Variants in GRIK4 observed in about 807,000 individuals in gnomAD.
GRIK4 encodes the protein glutamate ionotropic receptor kainate type subunit 4.
Under a neutral mutation model 104.9 loss-of-function variants are expected in GRIK4, and 40 were observed. The observed-to-expected ratio is 0.38, with a 90% CI of 0.30 to 0.50. The LOEUF (loss-of-function observed/expected upper bound fraction) is 0.50, where lower values mean the gene tolerates loss of function less well. GRIK4 is among the 20% of genes least tolerant of loss of function. The pLI is 0.93. For synonymous variants in GRIK4, 485 were observed against 524.9 expected (o/e 0.92, Z 1.04); for missense variants, 1,047 against 1,308.1 (o/e 0.80, Z 3.08).
chr11:120,851,462 T>C (rs1200335570), intron 8 of GRIK4, among the ~76,000 whole-genome samples: 3 of 152,188 alleles, frequency 2.0e-5, no homozygotes, highest in Admixed American at 6.5e-5. Context: ...AAGACCACCT[T>C]ATACGTGCCA....
Position 120,986,519 on chromosome 11 carries a change from T to C in GRIK4, c.*259T>C. 2.1e-6 allele frequency: 1 copy of C among 477,228 alleles called. No individual in the cohort carries two copies. Among genetic ancestry groups the C allele is most frequent in the South Asian group, 3.0e-5 (1 of 33,242 alleles). 29.6% of individuals were successfully genotyped at this position (477,228 alleles called of 1,614,324 possible). A position where few individuals can be genotyped will look rare whatever the true frequency, so the allele number is the denominator to read the frequency against. ...CCCTCCTGGGCACAAGGACCCATCT[T>C]CTCCCAGTGGGTCTTTCCCTCTCGC... is the stretch of plus-strand genomic sequence containing the variant. On this transcript the variant is annotated 3_prime_UTR_variant, in exon 21 of 21. Coordinates refer to ENST00000527524, the MANE Select transcript of GRIK4 (RefSeq NM_014619.5).
intron 3 of GRIK4, among the ~76,000 whole-genome samples, chr11:120,710,364 A>G (rs1315285782): frequency 2.0e-5 from 3 of 152,180 alleles, no homozygotes; most frequent in African/African-American, 7.2e-5. Context: ...CTGAGACCAC[A>G]TGGCTCCTGC....
chr11:120,668,697 C>G (rs562597520), intron 3 of GRIK4, among the ~76,000 whole-genome samples: 2 of 152,302 alleles, frequency 1.3e-5, no homozygotes, highest in Admixed American at 1.3e-4. Flanking sequence ...CTGGAGTTGG[C>G]TCCCGGGAGG....
chr11:120,550,205 A>G (rs1948125442), intron 1 of GRIK4, among the ~76,000 whole-genome samples: 1 of 151,886 alleles, frequency 6.6e-6, no homozygotes, highest in Admixed American at 6.6e-5. Context: ...GACAGATGCA[A>G]TGGTGCTGGT....
chr11:120,815,524 C>A, intron 5 of GRIK4, 49 bp downstream of exon 5: 1 of 1,133,048 alleles, frequency 8.8e-7, no homozygotes, highest in Non-Finnish European at 1.3e-6. Flanking sequence ...GAGCCTGTGC[C>A]CAGGGTCCAA....
chr11:120,914,653 A>G (rs1030559674), intron 13 of GRIK4, among the ~76,000 whole-genome samples: 12 of 152,096 alleles, frequency 7.9e-5, no homozygotes, highest in African/African-American at 2.9e-4. Flanking sequence ...GAGGGGGTGG[A>G]GGAGAACAGG....
chr11:120,730,268 G>C (rs1418966888), intron 3 of GRIK4, among the ~76,000 whole-genome samples: 1 of 152,136 alleles, frequency 6.6e-6, no homozygotes. Flanking sequence ...TGAGATGGGA[G>C]GATCACTTTA....
At chr11:120,883,303 A>G (rs1955020166) in intron 11 of GRIK4, among the ~76,000 whole-genome samples, 1 of 152,160 alleles carries the variant, frequency 6.6e-6, no homozygotes, top group Non-Finnish European at 1.5e-5. Flanking sequence ...CTCTAAAGCT[A>G]CTGTTCACCA....
At chr11:120,558,545 G>A (rs1182246734) in intron 1 of GRIK4, among the ~76,000 whole-genome samples, 6 of 152,158 alleles carry the variant, frequency 3.9e-5, no homozygotes, top group African/African-American at 9.7e-5. Flanking sequence ...CTGAGATCAC[G>A]CCACTGAACT....
chr11:120,553,059 C>A (rs1948155244), intron 1 of GRIK4, among the ~76,000 whole-genome samples: 2 of 150,612 alleles, frequency 1.3e-5, no homozygotes, highest in African/African-American at 4.9e-5. Context: ...GGGTTATCTG[C>A]AAAGGAGAGA....
intron 1 of GRIK4, among the ~76,000 whole-genome samples, chr11:120,592,922 C>A (rs781211307): frequency 7.2e-5 from 11 of 152,186 alleles, no homozygotes; most frequent in Non-Finnish European, 1.0e-4. Context: ...GTGGTTCACA[C>A]CTGTAATCCC....
chr11:120,542,093 C>T (rs1455443769), intron 1 of GRIK4, among the ~76,000 whole-genome samples: 1 of 152,152 alleles, frequency 6.6e-6, no homozygotes, highest in African/African-American at 2.4e-5. Context: ...CAATATGGTA[C>T]TGGCATAAAA....
At chr11:120,781,901 A>C (rs1952165355) in intron 3 of GRIK4, among the ~76,000 whole-genome samples, 1 of 151,968 alleles carries the variant, frequency 6.6e-6, no homozygotes, top group Admixed American at 6.5e-5. Context: ...GCCTCCCTGC[A>C]TTCTTCCCCT....
intron 6 of GRIK4, among the ~76,000 whole-genome samples, chr11:120,825,474 C>T (rs1264413416): frequency 6.6e-6 from 1 of 152,216 alleles, no homozygotes; most frequent in African/African-American, 2.4e-5. Context: ...TCCTTTCCTC[C>T]CTTACTCTGA....
chr11:120,525,003 A>AC (rs1390053757), intron 1 of GRIK4, among the ~76,000 whole-genome samples: 3 of 151,606 alleles, frequency 2.0e-5, no homozygotes, highest in African/African-American at 7.3e-5. Context: ...GTGACTCTGG[A>AC]CCTCCCTGGT....
chr11:120,550,441 C>A (rs1323941979), intron 1 of GRIK4, among the ~76,000 whole-genome samples: 1 of 152,010 alleles, frequency 6.6e-6, no homozygotes, highest in South Asian at 2.1e-4. Flanking sequence ...TGGATATCAT[C>A]AGTCTCTCGG....
At chr11:120,561,489 G>A (rs1212229872) in intron 1 of GRIK4, among the ~76,000 whole-genome samples, 3 of 152,182 alleles carry the variant, frequency 2.0e-5, no homozygotes, top group African/African-American at 7.2e-5. Context: ...TTCTGCTGCT[G>A]GAGAGCCACG....
chr11:120,636,061 A>G (rs977123440), intron 1 of GRIK4, among the ~76,000 whole-genome samples: 12 of 151,998 alleles, frequency 7.9e-5, no homozygotes, highest in Non-Finnish European at 1.0e-4. Flanking sequence ...CCTTCGTTCA[A>G]CGTTTCTGTT....
chr11:120,980,794 T>A (rs1944638722), intron 19 of GRIK4, among the ~76,000 whole-genome samples: 1 of 152,012 alleles, frequency 6.6e-6, no homozygotes. Context: ...GTCCTCAGAG[T>A]CGTTCCAAGC....
Sources: gnomAD v4.1 joint callset for allele counts (sites outside exome capture counted in the v4.1 genomes callset) on GRCh38, gnomAD v4.1.1 for gene constraint, MANE v1.5 for transcripts, NCBI Gene and HGNC (gene_info 2026-07-23, HGNC 2026-07-21) for gene names.